Variants in TMEM131 observed in about 807,000 individuals in gnomAD.
TMEM131 encodes the protein transmembrane protein 131.
Under a neutral mutation model 211.6 loss-of-function variants are expected in TMEM131, and 66 were observed. The observed-to-expected ratio is 0.31, with a 90% CI of 0.26 to 0.38. The LOEUF is 0.38. Among genes scored for constraint, TMEM131 ranks in the 10% least tolerant of loss-of-function variants. The pLI, the probability that TMEM131 is intolerant of heterozygous loss-of-function variation, is 1.00. For missense variants in TMEM131, 2,036 were observed against 2,299.3 expected (o/e 0.89, Z 2.34); for synonymous variants, 844 against 841.3 (o/e 1.00, Z -0.06).
intron 35 of TMEM131, among the ~76,000 whole-genome samples, chr2:97,765,535 T>C (rs1440816066): frequency 6.6e-6 from 1 of 152,228 alleles, no homozygotes; most frequent in Non-Finnish European, 1.5e-5. Context: ...TGTTGCCCCC[T>C]ATTTCAGGTC....
chr2:97,762,396 G>A (rs1678900131), intron 35 of TMEM131, 196 bp from the exon 36 acceptor site: 2 of 547,430 alleles, frequency 3.7e-6, no homozygotes, highest in Non-Finnish European at 6.3e-6. Flanking sequence ...GGGGATTTGA[G>A]GGGAGCAAGA....
chr2:97,985,180 T>TA (rs934533597), intron 1 of TMEM131, among the ~76,000 whole-genome samples: 1 of 152,062 alleles, frequency 6.6e-6, no homozygotes, highest in African/African-American at 2.4e-5. Flanking sequence ...ATTTTTCTCT[T>TA]AAAAAAACAG....
chr2:97,920,970 AGT>A (rs57343769), intron 2 of TMEM131, among the ~76,000 whole-genome samples: 4,113 of 146,598 alleles, frequency 0.028, 51 homozygotes, highest in East Asian at 0.066. Context: ...AAAAATCCCG[AGT>A]GTGTGTGTGT....
intron 18 of TMEM131, among the ~76,000 whole-genome samples, chr2:97,810,266 T>C (rs1681492879): frequency 6.6e-6 from 1 of 152,120 alleles, no homozygotes; most frequent in Non-Finnish European, 1.5e-5. Context: ...TCCCATACTG[T>C]TAGTAACTCT....
chr2:97,977,749 C>G (rs1679606762), intron 1 of TMEM131, among the ~76,000 whole-genome samples: 1 of 152,102 alleles, frequency 6.6e-6, no homozygotes, highest in South Asian at 2.1e-4. Flanking sequence ...TGATCAGGAT[C>G]AGGATAATGG....
intron 4 of TMEM131, among the ~76,000 whole-genome samples, chr2:97,859,817 T>C (rs1307100001): frequency 6.6e-6 from 1 of 152,212 alleles, no homozygotes; most frequent in Non-Finnish European, 1.5e-5. Flanking sequence ...GAGCAGAAAC[T>C]GAGTAGCAAA....
Position 97,815,321 on chromosome 2 carries a change from T to TA in TMEM131, c.1184-15dup. On this transcript the variant is annotated splice_polypyrimidine_tract_variant and intron_variant, in intron 12 of 40. Transcript: ENST00000186436. Reference sequence around the variant, plus strand: ...TTGCCTTCGATGCTGAAAGGAAGCATAAAAAATAATCTCTGTTACCTTTTA... The same window carrying TA: ...TTGCCTTCGATGCTGAAAGGAAGCATAAAAAAATAATCTCTGTTACCTTTTA... 6.7e-7 allele frequency: 1 copy of TA among 1,489,794 alleles called. No homozygotes were observed. Among genetic ancestry groups the TA allele is most frequent in the African/African-American group, 1.4e-5 (1 of 68,970 alleles). 92.3% of individuals were successfully genotyped at this position (1,489,794 alleles called of 1,614,324 possible).
At chr2:97,828,879 T>C (rs1202363838) in intron 11 of TMEM131, among the ~76,000 whole-genome samples, 1 of 152,240 alleles carries the variant, frequency 6.6e-6, no homozygotes, top group African/African-American at 2.4e-5. Context: ...ATCTTGCTAT[T>C]ACTCGCCTTT....
intron 2 of TMEM131, among the ~76,000 whole-genome samples, chr2:97,914,751 C>G (rs568235202): frequency 6.6e-6 from 1 of 152,170 alleles, no homozygotes; most frequent in East Asian, 1.9e-4. Context: ...ATGGTATGAA[C>G]GTATCACTGT....
intron 2 of TMEM131, among the ~76,000 whole-genome samples, chr2:97,912,829 T>G (rs1676341684): frequency 6.6e-6 from 1 of 152,150 alleles, no homozygotes. Flanking sequence ...TCTCTCAGAA[T>G]GCACTCCCAA....
At chr2:97,891,546 A>G (rs1358134983) in intron 3 of TMEM131, among the ~76,000 whole-genome samples, 3 of 152,214 alleles carry the variant, frequency 2.0e-5, no homozygotes, top group South Asian at 4.1e-4. Context: ...AATGAAGACT[A>G]TTTTCTGATT....
intron 6 of TMEM131, among the ~76,000 whole-genome samples, chr2:97,842,436 G>GT (rs1437332421): frequency 1.3e-5 from 2 of 152,062 alleles, no homozygotes; most frequent in Non-Finnish European, 2.9e-5. Flanking sequence ...CAATTCAACA[G>GT]TAAAAAAACA....
At chr2:97,966,929 A>T (rs1473877408) in intron 1 of TMEM131, among the ~76,000 whole-genome samples, 1 of 152,076 alleles carries the variant, frequency 6.6e-6, no homozygotes, top group African/African-American at 2.4e-5. Context: ...AGATGACAAG[A>T]CTAATCACTT....
At position 97,793,483 on chromosome 2, in the gene TMEM131, G is replaced by A. The variant is rs764389603; in HGVS notation, c.3457C>T (p.Arg1153Trp). The A allele has an allele frequency of 5.6e-6, 9 of 1,613,852 alleles. No homozygotes were observed. Among genetic ancestry groups the A allele is most frequent in the East Asian group, 2.2e-5 (1 of 44,884 alleles). The change falls in exon 30 of 41, where the codon CGG (arginine) becomes TGG (tryptophan). Residue 1153 changes from arginine to tryptophan, a missense_variant. Around this residue, in one of 3 missense-constraint regions of TMEM131, gnomAD observed 1,623 missense variants for 1,805.9 expected, o/e 0.90. Transcript: ENST00000186436. ...GGGTTCGAGGCCTCAAAGGATAGCCGCCTTCGAAATGGCTCCCATATTCCT... is the reference window on the plus strand; with the variant it reads ...GGGTTCGAGGCCTCAAAGGATAGCCACCTTCGAAATGGCTCCCATATTCCT... The part of the protein sequence containing the change: ...AQGIWEPFRR[R>W]LSFEASNPPF...
At chr2:97,802,961 A>G (rs972486511) in intron 22 of TMEM131, among the ~76,000 whole-genome samples, 171 bp from the exon 23 acceptor site, 1 of 152,218 alleles carries the variant, frequency 6.6e-6, no homozygotes, top group African/African-American at 2.4e-5. Flanking sequence ...ATGTCTCTAT[A>G]TTGGTGCAAA....
intron 2 of TMEM131, among the ~76,000 whole-genome samples, chr2:97,922,079 G>T (rs1303056284): frequency 6.6e-6 from 1 of 152,158 alleles, no homozygotes; most frequent in African/African-American, 2.4e-5. Context: ...CATGGATGGG[G>T]GGTTAGCGGG....
At chr2:97,981,715 C>T (rs1480659423) in intron 1 of TMEM131, among the ~76,000 whole-genome samples, 2 of 152,158 alleles carry the variant, frequency 1.3e-5, no homozygotes, top group East Asian at 3.8e-4. Context: ...CCCTACACTG[C>T]TCTCCATAGT....
rs565131002 is a variant in TMEM131 at position 97,973,174 on chromosome 2, C to T, written c.187+22302G>A. Among the ~76,000 whole-genome samples the T allele has an allele frequency of 7.9e-5, 12 of 152,190 alleles. No individual in the cohort carries two copies. The South Asian group carries it at 2.5e-3, about 32-fold the overall frequency. On this transcript the variant is annotated intron_variant, in intron 1 of 40. Transcript: ENST00000186436. ...CATTAATTACCAAAAATTTTCTGTA[C>T]CAAGAGGTTTAGGAATAACATCTGA...
At chr2:97,813,630 C>T (rs1214769060) in intron 15 of TMEM131, among the ~76,000 whole-genome samples, 1 of 152,166 alleles carries the variant, frequency 6.6e-6, no homozygotes, top group African/African-American at 2.4e-5. Context: ...TCCCTCTTCA[C>T]CTTCCTTGTA....
Sources: allele counts gnomAD v4.1 joint callset (sites outside exome capture counted in the v4.1 genomes callset), GRCh38; gene constraint gnomAD v4.1.1; regional missense constraint gnomAD v4.1.1; transcripts MANE v1.5; gene names NCBI Gene and HGNC (gene_info 2026-07-23, HGNC 2026-07-21).